The following CASP4 variants were observed in gnomAD, a reference collection of about 807,000 sequenced individuals.
CASP4 encodes caspase 4, also known as caspase-4.
A neutral mutation model predicts 41.3 loss-of-function variants in CASP4; 29 were observed. The observed-to-expected ratio is 0.70, with a 90% CI of 0.52 to 0.96. The LOEUF (loss-of-function observed/expected upper bound fraction) is 0.96, where lower values mean the gene tolerates loss of function less well. Ranked by LOEUF, CASP4 falls within the 40% of genes least tolerant of loss-of-function variation. The pLI is 0.00. For missense variants in CASP4, 447 were observed against 460.6 expected (o/e 0.97, Z 0.27); for synonymous variants, 185 against 158.4 (o/e 1.17, Z -1.26).
At chr11:104,946,579 A>G (rs1187079148) in intron 7 of CASP4, 1 of 152,214 alleles carries the variant, frequency 6.6e-6, no homozygotes, top group African/African-American at 2.4e-5. Context: ...TATTGAAAGA[A>G]TGACTTCTTT....
chr11:104,951,182 G>A, intron 3 of CASP4, 84 bp from the exon 4 acceptor site: 1 of 1,189,374 alleles, frequency 8.4e-7, no homozygotes, highest in African/African-American at 1.5e-5. Context: ...GCTTTTTCAA[G>A]TCTTCATGCA....
rs1048043179 is a variant in CASP4, at chr11:104,942,894, C to A, written c.*85G>T. 5 of 455,942 alleles carry A rather than the reference C, an allele frequency of 1.1e-5. No individual in the cohort carries two copies. Among genetic ancestry groups the A allele is most frequent in the Non-Finnish European group, 2.2e-5 (5 of 226,938 alleles). 28.2% of individuals were successfully genotyped at this position (455,942 alleles called of 1,614,324 possible). A position where few individuals can be genotyped will look rare whatever the true frequency, so the allele number is the denominator to read the frequency against. ...GTTTGTCTTCACTTTTATTGAAATACAAAATGTTAAATATGCAAGCTGTAC... is the reference window on the plus strand; with the variant it reads ...GTTTGTCTTCACTTTTATTGAAATAAAAAATGTTAAATATGCAAGCTGTAC... On this transcript the variant is annotated 3_prime_UTR_variant, in exon 9 of 9. Coordinates refer to ENST00000444739, the MANE Select transcript of CASP4 (RefSeq NM_001225.4).
At chr11:104,946,720 G>A (rs566015247) in intron 7 of CASP4, 55 of 165,854 alleles carry the variant, frequency 3.3e-4, no homozygotes, top group Non-Finnish European at 6.0e-4. Context: ...CGTCATGTAG[G>A]CCTCATTTAC....
chr11:104,955,126 T>C (rs1860709013), intron 1 of CASP4, 125 bp from the exon 2 acceptor site: 2 of 929,032 alleles, frequency 2.2e-6, no homozygotes, highest in Non-Finnish European at 3.2e-6. Flanking sequence ...ATCTGTCTTC[T>C]TGTACCTATA....
At chr11:104,962,180 G>A (rs1860875644) in intron 1 of CASP4, among the ~76,000 whole-genome samples, 2 of 152,078 alleles carry the variant, frequency 1.3e-5, no homozygotes, top group South Asian at 4.2e-4. Context: ...CTTTTTTCTT[G>A]TAAAGTGGCT....
chr11:104,948,818 AG>A, intron 5 of CASP4, 142 bp from the exon 6 acceptor site: 2 of 436,060 alleles, frequency 4.6e-6, no homozygotes, highest in Non-Finnish European at 7.8e-6. Flanking sequence ...ACACAGAGAG[AG>A]ACACACACAC....
At chr11:104,957,075 G>T (rs1203224598) in intron 1 of CASP4, among the ~76,000 whole-genome samples, 1 of 151,942 alleles carries the variant, frequency 6.6e-6, no homozygotes, top group Non-Finnish European at 1.5e-5. Flanking sequence ...CCAACAAAAA[G>T]AAATAAAAGG....
intron 1 of CASP4, 98 bp downstream of exon 1, chr11:104,968,421 G>T: frequency 9.4e-7 from 1 of 1,060,638 alleles, no homozygotes; most frequent in Non-Finnish European, 1.5e-6. Context: ...CAACATGTGT[G>T]CTATCGGCTC....
intron 1 of CASP4, among the ~76,000 whole-genome samples, chr11:104,966,713 C>A (rs770884629): frequency 6.6e-6 from 1 of 152,150 alleles, no homozygotes. Flanking sequence ...GAGGCCAGGA[C>A]TGAAGTGGCA....
At chr11:104,944,464 A>C (rs1860404318) in intron 8 of CASP4, 1 of 332,310 alleles carries the variant, frequency 3.0e-6, no homozygotes, top group African/African-American at 2.1e-5. Flanking sequence ...AAGCATGAGC[A>C]TGTTTCTATT....
intron 2 of CASP4, 69 bp downstream of exon 2, chr11:104,954,678 T>G: frequency 7.2e-7 from 1 of 1,387,428 alleles, no homozygotes; most frequent in Non-Finnish European, 1.0e-6. Context: ...CAGAAGACAC[T>G]GCTTAGGCCT....
chr11:104,951,939 G>A lies in CASP4; in HGVS notation c.329C>T (p.Pro110Leu), dbSNP rs951939426. ...GESTDALKLC[P>L]HEEFLRLCKE... The stretch of plus-strand genomic sequence containing the variant: ...ACATAGTCTCAGGAATTCTTCATGA[G>A]GACAAAGCTTGAGGGCATCTGTAGA... Residue 110 changes from proline (P) to leucine (L), a missense_variant, in exon 3 of 9, where the codon CCT (proline) becomes CTT (leucine). Physicochemically the swap from Pro to Leu is moderately conservative, Grantham distance 98. Transcript: ENST00000444739. 2 of 1,612,752 alleles carry A rather than the reference G, an allele frequency of 1.2e-6. No individual in the cohort carries two copies. Among genetic ancestry groups the A allele is most frequent in the Non-Finnish European group, 1.7e-6 (2 of 1,179,248 alleles).
intron 7 of CASP4, among the ~76,000 whole-genome samples, chr11:104,946,198 G>A (rs1020608472): frequency 6.6e-6 from 1 of 151,968 alleles, no homozygotes; most frequent in East Asian, 1.9e-4. Flanking sequence ...TTTCCCGCAG[G>A]AGTTTTACTG....
intron 1 of CASP4, among the ~76,000 whole-genome samples, chr11:104,961,859 T>C (rs1042821518): frequency 7.9e-5 from 12 of 152,200 alleles, no homozygotes; most frequent in Non-Finnish European, 1.3e-4. Context: ...CGATGAGCCC[T>C]GGAGAAAGTT....
intron 6 of CASP4, chr11:104,948,065 T>C (rs892434167): frequency 5.9e-5 from 9 of 152,236 alleles, no homozygotes; most frequent in African/African-American, 2.2e-4. Context: ...CTTAAGATAA[T>C]TACCTAGACA....
intron 2 of CASP4, among the ~76,000 whole-genome samples, chr11:104,954,120 G>T (rs564436): frequency 0.65 from 98,260 of 151,948 alleles, 32,411 homozygotes; most frequent in Middle Eastern, 0.83. Context: ...ATGTTGTTTC[G>T]GTCTACTGAG....
chr11:104,955,008 G>C lies in CASP4; in HGVS notation c.8-7C>G. ...TTTTTTCTGTGGTTGCCTTCTGTTA[G>C]AAATAGAAAGATTCCTTTAACTATG... On this transcript the variant is annotated splice_region_variant and splice_polypyrimidine_tract_variant and intron_variant, in intron 1 of 8. Transcript: ENST00000444739. The C allele has an allele frequency of 6.2e-7, 1 of 1,610,998 alleles. No homozygotes were observed. Among genetic ancestry groups the C allele is most frequent in the South Asian group, 1.1e-5 (1 of 90,744 alleles).
chr11:104,956,591 C>T, intron 1 of CASP4: 1 of 951,558 alleles, frequency 1.1e-6, no homozygotes, highest in South Asian at 4.9e-5. Context: ...CATCAAACTA[C>T]ATTACCTGAC....
intron 1 of CASP4, among the ~76,000 whole-genome samples, chr11:104,964,271 GAGGAAAAAAACAAAACTTCC>G (rs1187056688): frequency 1.8e-4 from 28 of 152,122 alleles, no homozygotes; most frequent in Non-Finnish European, 2.9e-5. Flanking sequence ...TATTGGAATA[GAGGAAAAAAACAAAACTTCC>G]AGGACTCTCA....
Sources: gnomAD v4.1 joint callset for allele counts (sites outside exome capture counted in the v4.1 genomes callset) on GRCh38, gnomAD v4.1.1 for gene constraint, MANE v1.5 for transcripts, NCBI Gene and HGNC (gene_info 2026-07-23, HGNC 2026-07-21) for gene names.